DEPDC4: variants seen among roughly 807,000 people sequenced by gnomAD.
The protein encoded by DEPDC4 is DEP domain containing 4.
Under a neutral mutation model 52.0 loss-of-function variants are expected in DEPDC4, and 52 were observed. The ratio of observed to expected loss-of-function variants is 1.00; its 90% CI spans 0.80 to 1.26. DEPDC4 has a LOEUF of 1.26. Ranked by LOEUF, DEPDC4 falls within the 50% of genes most tolerant of loss-of-function variation. The probability of loss-of-function intolerance (pLI) is 0.00; values close to 1 mark genes in which losing one functional copy is unlikely to be tolerated. For missense variants in DEPDC4, 530 were observed against 546.9 expected, an observed-to-expected ratio of 0.97 and a Z score of 0.31; for synonymous variants, 201 against 196.8, an observed-to-expected ratio of 1.02 and a Z score of -0.18.
chr12:100,243,692 G>A (rs1450986582), intron 8 of DEPDC4, among the ~76,000 whole-genome samples: 1 of 151,782 alleles, frequency 6.6e-6, no homozygotes, highest in African/African-American at 2.4e-5. Flanking sequence ...CAGCAGATCA[G>A]TATGCTAAAA....
rs991669035 is a variant in DEPDC4, at chr12:100,241,860, A to C, written c.*47-15T>G. ...AAACGTAAAGCCTGGAAAAAAAAAA[A>C]AAAAACAAAAGAAAAAGAAAAGTAC... On this transcript the variant is annotated splice_polypyrimidine_tract_variant and intron_variant, in intron 9 of 9. Coordinates refer to ENST00000550587, the MANE Select transcript of DEPDC4 (RefSeq NM_001364818.2). The C allele has an allele frequency of 2.8e-5, 33 of 1,199,748 alleles. No individual in the cohort carries two copies. Among genetic ancestry groups the C allele is most frequent in the Middle Eastern group, 4.6e-4 (2 of 4,310 alleles). The allele number at this position is 1,199,748 out of a possible 1,614,324, so 74.3% of individuals were successfully genotyped here. A position where few individuals can be genotyped will look rare whatever the true frequency, so the allele number is the denominator to read the frequency against.
chr12:100,264,428 C>T (rs147091863), intron 1 of DEPDC4, among the ~76,000 whole-genome samples: 2,570 of 152,212 alleles, frequency 0.017, 72 homozygotes, highest in African/African-American at 0.059. Context: ...CCTGTAATCC[C>T]AGCATTTTCA....
chr12:100,259,390 T>C (rs547439171), intron 3 of DEPDC4, among the ~76,000 whole-genome samples: 6 of 152,166 alleles, frequency 3.9e-5, no homozygotes, highest in Admixed American at 1.3e-4. Context: ...TGGATAAGTG[T>C]TGGAGTGTTT....
rs564268410 is a variant in DEPDC4 at position 100,264,572 on chromosome 12, G to A, written c.158-679C>T. On this transcript the variant is annotated intron_variant, in intron 1 of 9. Coordinates refer to ENST00000550587, the MANE Select transcript of DEPDC4 (RefSeq NM_001364818.2). Reference sequence around the variant, plus strand: ...CATGCGCCTGTAATCCCAGTTACTCGGGAGGCTGAGGCAGGAGAATCTCTT... The same window carrying A: ...CATGCGCCTGTAATCCCAGTTACTCAGGAGGCTGAGGCAGGAGAATCTCTT... Among the ~76,000 whole-genome samples, 7 of 152,072 alleles carry A rather than the reference G, an allele frequency of 4.6e-5. No homozygotes were observed. In the South Asian group the frequency reaches 1.0e-3, roughly 22 times the overall value.
Position 100,248,945 on chromosome 12 carries a change from T to C in DEPDC4, c.1408A>G (p.Lys470Glu). Reference sequence around the variant, plus strand: ...TCTCCATGTAGAAGCTTCTTAAGTTTCTTACTAACCAGATCCAATAAAGTA... The same window carrying C: ...TCTCCATGTAGAAGCTTCTTAAGTTCCTTACTAACCAGATCCAATAAAGTA... ...PVTLLDLVSK[K>E]LKKLLHGEDA... The change falls in exon 8 of 10, where the codon AAA becomes GAA. Residue 470 changes from lysine (K) to glutamate (E), a missense_variant. Coordinates refer to ENST00000550587, the MANE Select transcript of DEPDC4 (RefSeq NM_001364818.2). 1 of 985,642 alleles carries C rather than the reference T, an allele frequency of 1.0e-6. No homozygotes were observed. Among genetic ancestry groups the C allele is most frequent in the Non-Finnish European group, 1.2e-6 (1 of 829,724 alleles). 61.1% of individuals were successfully genotyped at this position (985,642 alleles called of 1,614,324 possible).
chr12:100,241,632 T>C lies in DEPDC4; in HGVS notation c.*260A>G. On this transcript the variant is annotated 3_prime_UTR_variant, in exon 10 of 10. Coordinates refer to ENST00000550587, the MANE Select transcript of DEPDC4 (RefSeq NM_001364818.2). ...ATTTGAGAAAACCACCAGAGAATTG[T>C]TTATATTTACAAATTGTAGTTTCTT... The C allele has an allele frequency of 8.8e-7, 1 of 1,134,622 alleles. No individual in the cohort carries two copies. The highest frequency in any genetic ancestry group is 1.1e-6 in the Non-Finnish European group (1 of 901,050). The allele number at this position is 1,134,622 out of a possible 1,614,324, so 70.3% of individuals were successfully genotyped here. A position where few individuals can be genotyped will look rare whatever the true frequency, so the allele number is the denominator to read the frequency against.
upstream of DEPDC4, chr12:100,267,712 C>G (rs940364770): frequency 1.3e-5 from 2 of 152,460 alleles, no homozygotes; most frequent in African/African-American, 4.8e-5. Context: ...GGAGAGCCCC[C>G]CATGCCGGCT....
At chr12:100,257,833 T>C (rs549111219) in intron 3 of DEPDC4, 2 of 152,376 alleles carry the variant, frequency 1.3e-5, no homozygotes, top group South Asian at 2.1e-4. Flanking sequence ...GCAACAGTTA[T>C]AGTAAGTTTC....
chr12:100,281,809 G>C, the DEPDC4 span, among the ~76,000 whole-genome samples: 2 of 150,862 alleles, frequency 1.3e-5, no homozygotes, highest in Non-Finnish European at 3.0e-5. Context: ...ACTCCAGCCT[G>C]GGTGACAGAG....
At chr12:100,274,010 G>A in the DEPDC4 span, among the ~76,000 whole-genome samples, 1 of 152,170 alleles carries the variant, frequency 6.6e-6, no homozygotes. Flanking sequence ...TGTTCATAGA[G>A]AACAACTTGG....
chr12:100,237,456 C>T (rs1166487570), downstream of DEPDC4, among the ~76,000 whole-genome samples: 1 of 152,176 alleles, frequency 6.6e-6, no homozygotes, highest in Non-Finnish European at 1.5e-5. Context: ...GATCCACCCA[C>T]CTTGGCCTCC....
At chr12:100,249,655 G>A (rs1184901369) in intron 7 of DEPDC4, among the ~76,000 whole-genome samples, 3 of 152,210 alleles carry the variant, frequency 2.0e-5, no homozygotes, top group Non-Finnish European at 4.4e-5. Flanking sequence ...CTCACATCTA[G>A]ATAGCTCCTT....
chr12:100,241,865 A>AC lies in DEPDC4; in HGVS notation c.*47-21dup. 8.5e-7 allele frequency: 1 copy of AC among 1,174,606 alleles called. No individual in the cohort carries two copies. Among genetic ancestry groups the AC allele is most frequent in the South Asian group, 1.6e-5 (1 of 63,978 alleles). 72.8% of individuals were successfully genotyped at this position (1,174,606 alleles called of 1,614,324 possible). ...TAAAGCCTGGAAAAAAAAAAAAAAA[A>AC]CAAAAGAAAAAGAAAAGTACCACTG... On this transcript the variant is annotated intron_variant, in intron 9 of 9. Coordinates refer to ENST00000550587, the MANE Select transcript of DEPDC4 (RefSeq NM_001364818.2).
Position 100,263,935 on chromosome 12 carries a change from T to C in DEPDC4, c.158-42A>G, listed in dbSNP as rs180698819. ...ATGCATTTCTAACAAATCTAGATTATACAAAAATATGCAAATTTTTCAGTT... is the reference window on the plus strand; with the variant it reads ...ATGCATTTCTAACAAATCTAGATTACACAAAAATATGCAAATTTTTCAGTT... On this transcript the variant is annotated intron_variant, in intron 1 of 9. Coordinates refer to ENST00000550587, the MANE Select transcript of DEPDC4 (RefSeq NM_001364818.2). 4.0e-4 allele frequency: 623 copies of C among 1,539,414 alleles called. 3 individuals carry two copies. In the African/African-American group the frequency reaches 7.9e-3, roughly 20 times the overall value.
intron 8 of DEPDC4, 124 bp downstream of exon 8, chr12:100,248,776 T>C: frequency 1.5e-5 from 4 of 274,644 alleles, no homozygotes; most frequent in Non-Finnish European, 2.2e-5. Context: ...AAAATAACCT[T>C]CCTGTAACCA....
rs113094473 is a variant in DEPDC4, at chr12:100,242,856, T to C, written c.1454-287A>G. Among the ~76,000 whole-genome samples, 5 of 152,344 alleles carry C rather than the reference T, an allele frequency of 3.3e-5. No individual in the cohort carries two copies. The South Asian group carries it at 6.2e-4, about 19-fold the overall frequency. On this transcript the variant is annotated intron_variant, in intron 8 of 9. Coordinates refer to ENST00000550587, the MANE Select transcript of DEPDC4 (RefSeq NM_001364818.2). ...TAATTCTCTTGCACACCTATCCTTC[T>C]GCAACATGCGACAAAGCAAAATCCC...
At chr12:100,259,025 C>T (rs1014191267) in intron 3 of DEPDC4, among the ~76,000 whole-genome samples, 3 of 151,426 alleles carry the variant, frequency 2.0e-5, no homozygotes, top group East Asian at 1.9e-4. Flanking sequence ...GAGCCGAGAT[C>T]GCACCACTGC....
At chr12:100,251,015 T>C (rs988850955) in intron 7 of DEPDC4, among the ~76,000 whole-genome samples, 12 of 152,200 alleles carry the variant, frequency 7.9e-5, no homozygotes, top group African/African-American at 2.9e-4. Context: ...GTACCACCTT[T>C]TTCTTGTAAA....
chr12:100,269,854 CT>C (rs2096285495), upstream of DEPDC4, among the ~76,000 whole-genome samples: 1 of 152,156 alleles, frequency 6.6e-6, no homozygotes, highest in South Asian at 2.1e-4. Context: ...GTTTGAGATA[CT>C]ACCTAGGCAT....
Sources: gnomAD v4.1 joint callset for allele counts (sites outside exome capture counted in the v4.1 genomes callset) on GRCh38, gnomAD v4.1.1 for gene constraint, MANE v1.5 for transcripts, NCBI Gene and HGNC (gene_info 2026-07-23, HGNC 2026-07-21) for gene names.